The following PHACTR1 variants were observed in gnomAD, a reference collection of about 807,000 sequenced individuals.
The protein encoded by PHACTR1 is phosphatase and actin regulator 1.
In PHACTR1, 16 loss-of-function variants were observed where a neutral mutation model predicts 69.2. The ratio of observed to expected loss-of-function variants is 0.23; its 90% CI spans 0.16 to 0.35. The LOEUF (loss-of-function observed/expected upper bound fraction) is 0.35. Ranked by LOEUF, PHACTR1 falls within the 10% of genes least tolerant of loss-of-function variation. The pLI is 1.00. For synonymous variants in PHACTR1, 312 were observed against 284.5 expected, an observed-to-expected ratio of 1.10 and a Z score of -0.97; for missense variants, 510 against 734.7, an observed-to-expected ratio of 0.69 and a Z score of 3.54.
chr6:12,730,761 G>A lies in PHACTR1; in HGVS notation c.103+11914G>A, dbSNP rs188090424. On this transcript the variant is annotated intron_variant, in intron 3 of 14. Transcript: ENST00000332995. ...GACCCTCTCCCTCCTCCCACCCTCCGGCCTCCAATAGGCCCCAGTGTGTGT... is the reference window on the plus strand; with the variant it reads ...GACCCTCTCCCTCCTCCCACCCTCCAGCCTCCAATAGGCCCCAGTGTGTGT... 2.2e-3 allele frequency among the ~76,000 whole-genome samples: 334 copies of A among 151,938 alleles called. 3 individuals carry two copies. The highest frequency in any genetic ancestry group is 7.7e-3 in the African/African-American group (318 of 41,476).
At chr6:13,122,983 G>A (rs1818959618) in intron 5 of PHACTR1, among the ~76,000 whole-genome samples, 1 of 152,046 alleles carries the variant, frequency 6.6e-6, no homozygotes, top group Non-Finnish European at 1.5e-5. Context: ...AGAAACCAGG[G>A]AAGTGTCTCA....
intron 4 of PHACTR1, among the ~76,000 whole-genome samples, chr6:13,043,579 ATAT>A (rs1804548081): frequency 6.6e-6 from 1 of 152,236 alleles, no homozygotes; most frequent in African/African-American, 2.4e-5. Flanking sequence ...CCATTTGGGC[ATAT>A]TAGTCTACTG....
At chr6:12,917,478 C>T (rs905451170) in intron 4 of PHACTR1, among the ~76,000 whole-genome samples, 11 of 152,212 alleles carry the variant, frequency 7.2e-5, no homozygotes, top group African/African-American at 1.9e-4. Context: ...GCAGGCCAGG[C>T]GCAGTGGCTC....
At chr6:13,213,225 T>C (rs959382528) in intron 8 of PHACTR1, among the ~76,000 whole-genome samples, 2 of 152,254 alleles carry the variant, frequency 1.3e-5, no homozygotes, top group Admixed American at 1.3e-4. Flanking sequence ...GCATATGTTA[T>C]ATAAATATTA....
intron 4 of PHACTR1, among the ~76,000 whole-genome samples, chr6:12,904,981 A>T (rs1323493797): frequency 6.6e-6 from 1 of 152,236 alleles, no homozygotes; most frequent in Non-Finnish European, 1.5e-5. Context: ...TCATAAAAAT[A>T]GCAGGAAAGT....
intron 4 of PHACTR1, among the ~76,000 whole-genome samples, chr6:12,915,993 G>A (rs1370678278): frequency 2.0e-5 from 3 of 152,166 alleles, no homozygotes; most frequent in Non-Finnish European, 2.9e-5. Flanking sequence ...TGATCAGCTA[G>A]TGCGAGATGT....
intron 4 of PHACTR1, among the ~76,000 whole-genome samples, chr6:12,892,712 T>C (rs1453606995): frequency 6.6e-6 from 1 of 152,060 alleles, no homozygotes; most frequent in Non-Finnish European, 1.5e-5. Flanking sequence ...AAGTTCATTC[T>C]TCCATTTATT....
intron 4 of PHACTR1, among the ~76,000 whole-genome samples, chr6:12,927,151 G>A (rs1415652997): frequency 1.3e-5 from 2 of 152,222 alleles, no homozygotes; most frequent in Non-Finnish European, 2.9e-5. Flanking sequence ...AGGACACCTA[G>A]CCTAGAGGGC....
rs116013507 is a variant in PHACTR1, at chr6:13,117,075, T to C, written c.416-43129T>C. On this transcript the variant is annotated intron_variant, in intron 5 of 14. Transcript: ENST00000332995. ...GACCCAGCCTTAAATCTGCAGAACATTGAAGCCCAGAAATGCCAAGGACAA... is the reference window on the plus strand; with the variant it reads ...GACCCAGCCTTAAATCTGCAGAACACTGAAGCCCAGAAATGCCAAGGACAA... Among the ~76,000 whole-genome samples the C allele has an allele frequency of 6.8e-3, 1,031 of 152,318 alleles. 12 individuals carry two copies. Among genetic ancestry groups the C allele is most frequent in the African/African-American group, 0.023 (950 of 41,560 alleles).
intron 3 of PHACTR1, among the ~76,000 whole-genome samples, chr6:12,746,748 A>G (rs1194508591): frequency 6.6e-6 from 1 of 152,236 alleles, no homozygotes; most frequent in Non-Finnish European, 1.5e-5. Flanking sequence ...AAGAAACAGG[A>G]ATTCAAAGAT....
intron 11 of PHACTR1, among the ~76,000 whole-genome samples, chr6:13,276,664 C>T (rs1778980221): frequency 6.6e-6 from 1 of 151,900 alleles, no homozygotes; most frequent in Admixed American, 6.6e-5. Context: ...CCCAGCTACT[C>T]GGGAGGCTGA....
intron 4 of PHACTR1, among the ~76,000 whole-genome samples, chr6:12,757,838 G>A (rs932195309): frequency 1.3e-5 from 2 of 152,142 alleles, no homozygotes; most frequent in Non-Finnish European, 2.9e-5. Context: ...ATGGCCAGGT[G>A]TGGTGGCTTA....
chr6:13,186,055 T>C (rs1174851811), intron 7 of PHACTR1, among the ~76,000 whole-genome samples: 1 of 152,212 alleles, frequency 6.6e-6, no homozygotes, highest in Non-Finnish European at 1.5e-5. Flanking sequence ...AGACATGGGC[T>C]CATGTCAAAC....
At chr6:12,913,370 C>T (rs1207980697) in intron 4 of PHACTR1, among the ~76,000 whole-genome samples, 3 of 152,208 alleles carry the variant, frequency 2.0e-5, no homozygotes, top group African/African-American at 7.2e-5. Flanking sequence ...TGCTGCAAAT[C>T]CAAAGAGCCA....
chr6:12,808,372 T>C (rs1774597181), intron 4 of PHACTR1, among the ~76,000 whole-genome samples: 1 of 152,232 alleles, frequency 6.6e-6, no homozygotes, highest in Non-Finnish European at 1.5e-5. Flanking sequence ...CAGTACATAC[T>C]GAAAGTAATT....
chr6:13,052,636 T>C (rs1806129606), intron 4 of PHACTR1, among the ~76,000 whole-genome samples: 1 of 152,204 alleles, frequency 6.6e-6, no homozygotes, highest in African/African-American at 2.4e-5. Context: ...AGATTGAAAG[T>C]TGAATATGCT....
chr6:13,023,232 A>G (rs1037783775), intron 4 of PHACTR1, among the ~76,000 whole-genome samples: 1 of 152,174 alleles, frequency 6.6e-6, no homozygotes, highest in Non-Finnish European at 1.5e-5. Context: ...ATCAGCCTAC[A>G]AAGAAATAAC....
chr6:13,006,660 T>TACACACAC (rs71819721), intron 4 of PHACTR1, among the ~76,000 whole-genome samples: 21 of 149,716 alleles, frequency 1.4e-4, no homozygotes, highest in African/African-American at 4.4e-4. Context: ...TGATATATGA[T>TACACACAC]ACACACACAC....
intron 4 of PHACTR1, among the ~76,000 whole-genome samples, chr6:12,818,482 C>G (rs772512978): frequency 2.0e-5 from 3 of 152,148 alleles, no homozygotes; most frequent in Non-Finnish European, 4.4e-5. Context: ...TCTTGGTTTG[C>G]TAATCAGCCA....
Sources: allele counts gnomAD v4.1 joint callset (sites outside exome capture counted in the v4.1 genomes callset), GRCh38; gene constraint gnomAD v4.1.1; transcripts MANE v1.5; gene names NCBI Gene and HGNC (gene_info 2026-07-23, HGNC 2026-07-21).